The following SLC25A33 variants were observed in gnomAD, a reference collection of about 807,000 sequenced individuals.
SLC25A33 encodes solute carrier family 25 member 33.
A neutral mutation model predicts 35.5 loss-of-function variants in SLC25A33; 15 were observed. That is an observed-to-expected ratio of 0.42 (90% confidence interval 0.28 to 0.65). The LOEUF is 0.65. Ranked by LOEUF, SLC25A33 falls within the 30% of genes least tolerant of loss-of-function variation. The pLI, the probability that SLC25A33 is intolerant of heterozygous loss-of-function variation, is 0.20. For synonymous variants in SLC25A33, 136 were observed against 148.7 expected (o/e 0.91, Z 0.62); for missense variants, 257 against 398.5 (o/e 0.64, Z 3.02).
At chr1:9,558,746 G>A (rs1286434858) in intron 2 of SLC25A33, among the ~76,000 whole-genome samples, 1 of 152,128 alleles carries the variant, frequency 6.6e-6, no homozygotes, top group African/African-American at 2.4e-5. Context: ...CCACTGTCCT[G>A]ATGGAAGCCA....
chr1:9,583,746 A>G lies in SLC25A33; in HGVS notation c.*1245A>G, dbSNP rs558762039. On this transcript the variant is annotated 3_prime_UTR_variant, in exon 7 of 7. Transcript: ENST00000302692. ...AAAAAAAAAAAAATTTAATCCCAGC[A>G]CTTTGGGAGGCCAAGGCGGGCAGAT... 6.6e-6 allele frequency: 1 copy of G among 152,204 alleles called. No individual in the cohort carries two copies. The highest frequency in any genetic ancestry group is 2.4e-5 in the African/African-American group (1 of 41,512). 9.4% of individuals were successfully genotyped at this position (152,204 alleles called of 1,614,324 possible).
intron 4 of SLC25A33, among the ~76,000 whole-genome samples, chr1:9,570,699 ATAGTTTTTTTTTTTTTTTTTTTTTTT>A (rs1643576987): frequency 1.4e-5 from 2 of 141,926 alleles, no homozygotes; most frequent in African/African-American, 5.3e-5. Context: ...ATAGATAGAT[ATAGTTTTTTTTTTTTTTTTTTTTTTT>A]GAGACAGAGT....
chr1:9,580,298 T>C lies in SLC25A33; in HGVS notation c.763+64T>C, dbSNP rs1643722948. The C allele has an allele frequency of 1.4e-5, 22 of 1,568,710 alleles. No homozygotes were observed. The South Asian group carries it at 2.7e-4, about 19-fold the overall frequency. On this transcript the variant is annotated intron_variant, in intron 6 of 6. Transcript: ENST00000302692. ...CTGTCACGTTTGTTGTTTGTGGGTA[T>C]ATCTAGACTTCTGAGGCGCACATTG...
chr1:9,543,059 C>T (rs1643116713), intron 1 of SLC25A33, among the ~76,000 whole-genome samples: 3 of 152,076 alleles, frequency 2.0e-5, no homozygotes, highest in South Asian at 4.1e-4. Context: ...CTCAAGTGAT[C>T]CACCTGCCTT....
Position 9,556,287 on chromosome 1 carries a change from A to G in SLC25A33, c.236+2482A>G, listed in dbSNP as rs1395785706. The G allele has an allele frequency of 4.1e-6, 4 of 968,802 alleles. No homozygotes were observed. In the African/African-American group the frequency reaches 7.0e-5, roughly 17 times the overall value. The allele number at this position is 968,802 out of a possible 1,614,324, so 60.0% of individuals were successfully genotyped here. A position where few individuals can be genotyped will look rare whatever the true frequency, so the allele number is the denominator to read the frequency against. On this transcript the variant is annotated intron_variant, in intron 2 of 6. Coordinates refer to ENST00000302692, the MANE Select transcript of SLC25A33 (RefSeq NM_032315.3). ...TGTTACTTCAGTAACATTCAAAATG[A>G]ATTTCCTCTTGCCAAATAATCATGA... is the stretch of plus-strand genomic sequence containing the variant.
intron 5 of SLC25A33, 78 bp downstream of exon 5, chr1:9,573,490 T>C: frequency 8.4e-7 from 1 of 1,184,536 alleles, no homozygotes; most frequent in Non-Finnish European, 1.2e-6. Flanking sequence ...TCCACATCTC[T>C]AAGGATGAGA....
chr1:9,576,797 G>T (rs955304269), intron 5 of SLC25A33: 6 of 1,221,200 alleles, frequency 4.9e-6, no homozygotes, highest in Non-Finnish European at 7.0e-6. Context: ...GTTCAGATGA[G>T]ACCAGGTGTT....
intron 5 of SLC25A33, chr1:9,576,532 AG>A: frequency 1.9e-6 from 1 of 537,424 alleles, no homozygotes. Flanking sequence ...AACCATGCAG[AG>A]GGACTTCAGT....
At chr1:9,557,810 C>T (rs911343685) in intron 2 of SLC25A33, among the ~76,000 whole-genome samples, 3 of 151,952 alleles carry the variant, frequency 2.0e-5, no homozygotes. Context: ...TTACGTAAGA[C>T]AGGATGTCCT....
At chr1:9,579,818 G>A in intron 5 of SLC25A33, 136 bp from the exon 6 acceptor site, 2 of 1,036,836 alleles carry the variant, frequency 1.9e-6, no homozygotes, top group Non-Finnish European at 2.8e-6. Flanking sequence ...AAAGACAAGG[G>A]CTATGAGAGT....
At chr1:9,556,066 C>A in intron 2 of SLC25A33, 1 of 337,050 alleles carries the variant, frequency 3.0e-6, no homozygotes, top group Non-Finnish European at 4.2e-6. Flanking sequence ...ACAGGAGGGA[C>A]AGAAGCACAG....
In SLC25A33 at chr1:9,570,248, G is replaced by A; in HGVS notation, c.315-10G>A. 2 of 1,610,064 alleles carry A rather than the reference G, an allele frequency of 1.2e-6. No homozygotes were observed. The highest frequency in any genetic ancestry group is 1.7e-6 in the Non-Finnish European group (2 of 1,177,986). On this transcript the variant is annotated splice_polypyrimidine_tract_variant and intron_variant, in intron 3 of 6. Coordinates refer to ENST00000302692, the MANE Select transcript of SLC25A33 (RefSeq NM_032315.3). ...ATGATTTCTTTATAATGTTCTCTTT[G>A]TTCTAACAGGGCTGTATACTTTGCA...
chr1:9,569,927 T>A (rs1303322830), intron 3 of SLC25A33, among the ~76,000 whole-genome samples: 2 of 152,022 alleles, frequency 1.3e-5, no homozygotes, highest in African/African-American at 4.8e-5. Flanking sequence ...AAAAAAAAAA[T>A]TAAAACTTCC....
At chr1:9,564,739 A>AAAAAAAAAAT (rs60174872) in intron 2 of SLC25A33, among the ~76,000 whole-genome samples, 1 of 96,538 alleles carries the variant, frequency 1.0e-5, no homozygotes, top group African/African-American at 4.4e-5. Context: ...AAAAAAAAAA[A>AAAAAAAAAAT]ATATATATAT....
At position 9,580,227 on chromosome 1, in the gene SLC25A33, T is replaced by C. The variant is rs142807052; in HGVS notation, c.756T>C (p.Tyr252=). The C allele has an allele frequency of 1.5e-5, 24 of 1,611,098 alleles. No individual in the cohort carries two copies. In the African/African-American group the frequency reaches 3.0e-4, roughly 20 times the overall value. Residue 252 remains tyrosine, a synonymous_variant, in exon 6 of 7, where the codon TAT becomes TAC. Transcript: ENST00000302692. ...AGGGCTGTGCCTCCTGCATTGCTTA[T>C]CCACACGGTATGTTTTGCTTTTGTT... is the stretch of plus-strand genomic sequence containing the variant. ...LSKGCASCIA[Y]PHEVIRTRLR...
intron 1 of SLC25A33, among the ~76,000 whole-genome samples, chr1:9,546,942 A>T (rs998604945): frequency 1.3e-5 from 2 of 152,148 alleles, no homozygotes; most frequent in African/African-American, 4.8e-5. Flanking sequence ...TTCTCCCACC[A>T]TTAAGCAAGT....
chr1:9,559,139 G>A (rs1345164996), intron 2 of SLC25A33, among the ~76,000 whole-genome samples: 2 of 152,146 alleles, frequency 1.3e-5, no homozygotes, highest in African/African-American at 4.8e-5. Context: ...CTATTTAAAA[G>A]CAAACTCTCC....
At chr1:9,559,225 A>G (rs1237719045) in intron 2 of SLC25A33, among the ~76,000 whole-genome samples, 1 of 152,148 alleles carries the variant, frequency 6.6e-6, no homozygotes, top group East Asian at 1.9e-4. Context: ...AGTGTAGTTT[A>G]CTTATTTCTA....
chr1:9,557,090 C>T (rs961266397), intron 2 of SLC25A33, among the ~76,000 whole-genome samples: 4 of 152,150 alleles, frequency 2.6e-5, no homozygotes, highest in East Asian at 3.9e-4. Flanking sequence ...TGTGCTACCA[C>T]GCCCGGCTAA....
Sources: allele counts gnomAD v4.1 joint callset (sites outside exome capture counted in the v4.1 genomes callset), GRCh38; gene constraint gnomAD v4.1.1; transcripts MANE v1.5; gene names NCBI Gene and HGNC (gene_info 2026-07-23, HGNC 2026-07-21).